The following RPTOR variants were observed in gnomAD, a reference collection of about 807,000 sequenced individuals.
RPTOR encodes regulatory-associated protein of mTOR.
A neutral mutation model predicts 169.9 loss-of-function variants in RPTOR; 21 were observed. That is an observed-to-expected ratio of 0.12 (90% CI 0.09 to 0.18). The LOEUF (loss-of-function observed/expected upper bound fraction) is 0.18. Among genes scored for constraint, RPTOR ranks in the 10% least tolerant of loss-of-function variants. The pLI is 1.00. For missense variants in RPTOR, 1,133 were observed against 1,855.9 expected, an observed-to-expected ratio of 0.61 and a Z score of 7.16; for synonymous variants, 732 against 753.2, an observed-to-expected ratio of 0.97 and a Z score of 0.46.
rs142018810 is a variant in RPTOR, at chr17:80,733,659, T to C, written c.654+2953T>C. Among the ~76,000 whole-genome samples, 229 of 152,354 alleles carry C rather than the reference T, an allele frequency of 1.5e-3. 1 individual carries two copies. The highest frequency in any genetic ancestry group is 5.2e-3 in the African/African-American group (216 of 41,588). Reference sequence around the variant, plus strand: ...TTCTGTTTAAAGAAGGGAGAAACGATGTGGAAGCCTGTTAGCAAAGAAGTC... The same window carrying C: ...TTCTGTTTAAAGAAGGGAGAAACGACGTGGAAGCCTGTTAGCAAAGAAGTC... On this transcript the variant is annotated intron_variant, in intron 5 of 33. Transcript: ENST00000306801.
chr17:80,809,336 C>T (rs567429409), intron 7 of RPTOR, among the ~76,000 whole-genome samples: 6 of 152,256 alleles, frequency 3.9e-5, no homozygotes, highest in South Asian at 4.1e-4. Context: ...GGATTACAGG[C>T]GGGCGCCACC....
At chr17:80,780,982 C>T (rs1022059930) in intron 6 of RPTOR, among the ~76,000 whole-genome samples, 4 of 152,238 alleles carry the variant, frequency 2.6e-5, no homozygotes, top group African/African-American at 9.6e-5. Context: ...CCTCAGCCCA[C>T]TGTGGTCTTT....
At chr17:80,629,416 G>T (rs552658450) in intron 2 of RPTOR, among the ~76,000 whole-genome samples, 1 of 151,150 alleles carries the variant, frequency 6.6e-6, no homozygotes, top group African/African-American at 2.4e-5. Flanking sequence ...TTGCACTGTT[G>T]GACATTGTAC....
intron 10 of RPTOR, among the ~76,000 whole-genome samples, chr17:80,841,199 G>C (rs374503221): frequency 1.2e-4 from 4 of 33,834 alleles, no homozygotes; most frequent in Admixed American, 3.2e-4. Flanking sequence ...CTCACCGCAC[G>C]GCAGCTCACT....
At position 80,651,616 on chromosome 17, in the gene RPTOR, C is replaced by T. The variant is rs191854982; in HGVS notation, c.348+7806C>T. On this transcript the variant is annotated intron_variant, in intron 3 of 33. Transcript: ENST00000306801. The surrounding 1 kb of genome is among the most constrained non-coding windows in gnomAD (Gnocchi z 4.1). The stretch of plus-strand genomic sequence containing the variant: ...TACAACTTGGCTGGGCGCAGTGGCT[C>T]GCGCCTGTAATCCTAGCACTTTGGG... Among the ~76,000 whole-genome samples, 229 of 151,502 alleles carry T rather than the reference C, an allele frequency of 1.5e-3. No individual in the cohort carries two copies. The highest frequency in any genetic ancestry group is 5.4e-3 in the African/African-American group (221 of 41,264).
chr17:80,585,181 AT>A (rs1221873870), intron 1 of RPTOR, among the ~76,000 whole-genome samples: 1 of 129,452 alleles, frequency 7.7e-6, no homozygotes, highest in East Asian at 2.0e-4. Context: ...TATTATTATT[AT>A]TATTATTATT....
chr17:80,896,543 G>A (rs1430112957), intron 20 of RPTOR, among the ~76,000 whole-genome samples: 2 of 131,996 alleles, frequency 1.5e-5, no homozygotes, highest in Admixed American at 7.9e-5. Context: ...GGCACCCCAC[G>A]GCCGCGCCGA....
At chr17:80,644,450 T>C (rs919590279) in intron 3 of RPTOR, among the ~76,000 whole-genome samples, 1 of 152,160 alleles carries the variant, frequency 6.6e-6, no homozygotes, top group Non-Finnish European at 1.5e-5. Flanking sequence ...TAGCCTTTCT[T>C]ATTAACTGGT....
chr17:80,602,689 C>T, intron 1 of RPTOR: 1 of 734,752 alleles, frequency 1.4e-6, no homozygotes, highest in Admixed American at 1.8e-5. Context: ...CGGTAGGGGA[C>T]ATTCCTTATT....
At chr17:80,942,365 T>G (rs2069042504) in intron 25 of RPTOR, among the ~76,000 whole-genome samples, 1 of 147,562 alleles carries the variant, frequency 6.8e-6, no homozygotes. Flanking sequence ...TTGAGCAGGG[T>G]GCGAAACAGA....
intron 3 of RPTOR, among the ~76,000 whole-genome samples, chr17:80,706,687 G>T (rs891002364): frequency 1.3e-5 from 2 of 152,176 alleles, no homozygotes; most frequent in African/African-American, 4.8e-5. Flanking sequence ...TTGCCCTCAG[G>T]GCTTTCTGCT....
Position 80,883,859 on chromosome 17 carries a change from G to C in RPTOR, c.1729G>C (p.Val577Leu), listed in dbSNP as rs1190646605. 2 of 1,613,640 alleles carry C rather than the reference G, an allele frequency of 1.2e-6. No homozygotes were observed. Among genetic ancestry groups the C allele is most frequent in the African/African-American group, 1.3e-5 (1 of 74,952 alleles). Residue 577 changes from valine to leucine, a missense_variant, in exon 16 of 34, where the codon GTG (valine) becomes CTG (leucine). Coordinates refer to ENST00000306801, the MANE Select transcript of RPTOR (RefSeq NM_020761.3). ...CCCGCACCCCTTGCTGCGCCAGTGGGTGGCCATCTGCCTCGGCAGGATCTG... is the reference window on the plus strand; with the variant it reads ...CCCGCACCCCTTGCTGCGCCAGTGGCTGGCCATCTGCCTCGGCAGGATCTG... ...NDPHPLLRQWVAICLGRIWQN... is the reference protein window; with the variant it reads ...NDPHPLLRQWLAICLGRIWQN...
chr17:80,608,564 G>A (rs1250337371), intron 1 of RPTOR, among the ~76,000 whole-genome samples: 1 of 152,230 alleles, frequency 6.6e-6, no homozygotes, highest in African/African-American at 2.4e-5. Context: ...CTGAGATTCA[G>A]AGAGGTTAAC....
intron 21 of RPTOR, among the ~76,000 whole-genome samples, chr17:80,909,273 G>T (rs1029409887): frequency 3.9e-5 from 6 of 151,938 alleles, no homozygotes; most frequent in African/African-American, 1.2e-4. Context: ...AAGAGATGGG[G>T]TCTCCCTGTG....
chr17:80,689,836 A>T (rs1487447997), intron 3 of RPTOR, among the ~76,000 whole-genome samples: 1 of 152,208 alleles, frequency 6.6e-6, no homozygotes, highest in African/African-American at 2.4e-5. Flanking sequence ...TTTTCTAGGT[A>T]TGATAATCTT....
rs561935578 is a variant in RPTOR at position 80,933,445 on chromosome 17, G to A, written c.2920-7051G>A. Among the ~76,000 whole-genome samples, 125 of 152,220 alleles carry A rather than the reference G, an allele frequency of 8.2e-4. 1 individual carries two copies. The highest frequency in any genetic ancestry group is 1.6e-3 in the Non-Finnish European group (112 of 68,014). ...ACCTAGTAAAAGAAATGTAAGACTT[G>A]TACTGAAACATTATTGAATGATACT... On this transcript the variant is annotated intron_variant, in intron 24 of 33. Coordinates refer to ENST00000306801, the MANE Select transcript of RPTOR (RefSeq NM_020761.3).
intron 3 of RPTOR, among the ~76,000 whole-genome samples, chr17:80,670,807 C>A (rs538986379): frequency 1.9e-4 from 29 of 152,224 alleles, no homozygotes; most frequent in Non-Finnish European, 4.4e-5. Flanking sequence ...AACTCCCCCC[C>A]ACATTCATTT....
rs1298821893 is a variant in RPTOR at position 80,963,713 on chromosome 17, ACCCC to A, written c.3940-548_3940-545del. Among the ~76,000 whole-genome samples the A allele has an allele frequency of 6.4e-4, 12 of 18,796 alleles. 1 individual carries two copies. Among genetic ancestry groups the A allele is most frequent in the African/African-American group, 2.0e-3 (8 of 4,030 alleles). 12.3% of individuals were successfully genotyped at this position (18,796 alleles called of 152,430 possible). A position where few individuals can be genotyped will look rare whatever the true frequency, so the allele number is the denominator to read the frequency against. ...TCACCCCGTCCCCTGTGCGGCCCTC[ACCCC>A]GTCCCCTCTGCGGCCCTCACCCCGT... is the stretch of plus-strand genomic sequence containing the variant. On this transcript the variant is annotated intron_variant, in intron 33 of 33. Coordinates refer to ENST00000306801, the MANE Select transcript of RPTOR (RefSeq NM_020761.3).
rs371165354 is a variant in RPTOR at position 80,788,844 on chromosome 17, C to T, written c.831-2606C>T. Reference sequence around the variant, plus strand: ...TGGGTTTTTTGAGCCATTTTTATTACCTCTGCCTTTGCCCACTCTTTGACC... The same window carrying T: ...TGGGTTTTTTGAGCCATTTTTATTATCTCTGCCTTTGCCCACTCTTTGACC... On this transcript the variant is annotated intron_variant, in intron 6 of 33. Transcript: ENST00000306801. 4.1e-4 allele frequency among the ~76,000 whole-genome samples: 62 copies of T among 152,310 alleles called. No homozygotes were observed. In the East Asian group the frequency reaches 4.8e-3, roughly 12 times the overall value.
Sources: gnomAD v4.1 joint callset for allele counts (sites outside exome capture counted in the v4.1 genomes callset) on GRCh38, gnomAD v4.1.1 for gene constraint, Gnocchi (gnomAD v3.1) non-coding constraint, MANE v1.5 for transcripts, NCBI Gene and HGNC (gene_info 2026-07-23, HGNC 2026-07-21) for gene names.